The following FTO variants were observed in gnomAD, a reference collection of about 807,000 sequenced individuals.
The protein encoded by FTO is FTO alpha-ketoglutarate dependent dioxygenase.
Under a neutral mutation model 63.9 loss-of-function variants are expected in FTO, and 47 were observed. The observed-to-expected ratio is 0.74, with a 90% confidence interval of 0.58 to 0.94. The LOEUF (loss-of-function observed/expected upper bound fraction) is 0.94, where lower values mean the gene tolerates loss of function less well. Ranked by LOEUF, FTO falls within the 40% of genes least tolerant of loss-of-function variation. The probability of loss-of-function intolerance (pLI) is 0.00; values close to 1 mark genes in which losing one functional copy is unlikely to be tolerated. For synonymous variants in FTO, 207 were observed against 224.4 expected (o/e 0.92, Z 0.69); for missense variants, 562 against 618.1 (o/e 0.91, Z 0.96).
At chr16:54,058,593 A>G (rs2144372009) in intron 8 of FTO, among the ~76,000 whole-genome samples, 1 of 152,146 alleles carries the variant, frequency 6.6e-6, no homozygotes, top group East Asian at 1.9e-4. Context: ...AAGCCTACAC[A>G]CTCTTTTTCC....
At chr16:53,908,248 G>A (rs1456127069) in intron 7 of FTO, among the ~76,000 whole-genome samples, 1 of 152,082 alleles carries the variant, frequency 6.6e-6, no homozygotes, top group African/African-American at 2.4e-5. Context: ...TCGTTGTCAG[G>A]GGCAAGTCTA....
At chr16:53,955,549 G>A (rs2082909676) in intron 8 of FTO, among the ~76,000 whole-genome samples, 1 of 152,132 alleles carries the variant, frequency 6.6e-6, no homozygotes, top group Non-Finnish European at 1.5e-5. Flanking sequence ...ACATTTTAGG[G>A]TTGGAGTAAA....
At chr16:54,004,232 A>G (rs1435305953) in intron 8 of FTO, among the ~76,000 whole-genome samples, 1 of 152,138 alleles carries the variant, frequency 6.6e-6, no homozygotes, top group Non-Finnish European at 1.5e-5. Flanking sequence ...CCGTATTATG[A>G]ATTTAGCAAG....
At chr16:53,926,325 T>C (rs927991726) in intron 7 of FTO, among the ~76,000 whole-genome samples, 4 of 152,222 alleles carry the variant, frequency 2.6e-5, no homozygotes, top group African/African-American at 7.2e-5. Context: ...ACATACTGTT[T>C]TTGACCTTGA....
intron 1 of FTO, among the ~76,000 whole-genome samples, chr16:53,754,893 C>T (rs998041495): frequency 3.9e-5 from 6 of 152,144 alleles, no homozygotes; most frequent in Admixed American, 6.5e-5. Context: ...CTTAACAGAT[C>T]GTATGACAAT....
At chr16:53,783,951 A>G (rs2077663040) in intron 1 of FTO, among the ~76,000 whole-genome samples, 1 of 152,128 alleles carries the variant, frequency 6.6e-6, no homozygotes, top group African/African-American at 2.4e-5. Flanking sequence ...ACCTCACCTC[A>G]CTGGCCTTAG....
chr16:53,757,288 G>A (rs571164827), intron 1 of FTO, among the ~76,000 whole-genome samples: 1 of 151,994 alleles, frequency 6.6e-6, no homozygotes, highest in African/African-American at 2.4e-5. Flanking sequence ...GTTATTAACT[G>A]TAGTCACCAT....
chr16:53,851,786 C>T (rs937696901), intron 4 of FTO, among the ~76,000 whole-genome samples: 17 of 151,828 alleles, frequency 1.1e-4, no homozygotes, highest in Non-Finnish European at 1.5e-5. Context: ...AAAAATACTA[C>T]ATGCACAAGG....
chr16:53,915,580 A>T (rs1262346078), intron 7 of FTO, among the ~76,000 whole-genome samples: 2 of 152,196 alleles, frequency 1.3e-5, no homozygotes, highest in Non-Finnish European at 2.9e-5. Context: ...GCAAACACTA[A>T]ATGTGAGCCT....
At chr16:54,017,153 T>C (rs752664132) in intron 8 of FTO, among the ~76,000 whole-genome samples, 1 of 152,242 alleles carries the variant, frequency 6.6e-6, no homozygotes. Flanking sequence ...TGTTTTGTCA[T>C]TTATGATAAT....
intron 8 of FTO, among the ~76,000 whole-genome samples, chr16:53,952,722 G>C (rs1308502451): frequency 6.6e-6 from 1 of 152,190 alleles, no homozygotes; most frequent in Non-Finnish European, 1.5e-5. Flanking sequence ...ATGGGTGGAA[G>C]AATACAGCCC....
rs188883366 is a variant in FTO, at chr16:53,852,232, C to T, written c.895+7934C>T. Among the ~76,000 whole-genome samples, 20 of 151,422 alleles carry T rather than the reference C, an allele frequency of 1.3e-4. No homozygotes were observed. The East Asian group carries it at 1.4e-3, about 10-fold the overall frequency. On this transcript the variant is annotated intron_variant, in intron 4 of 8. Coordinates refer to ENST00000471389, the MANE Select transcript of FTO (RefSeq NM_001080432.3). Reference sequence around the variant, plus strand: ...TTGAGCCTAAAGGGAACTGTGATCGCGCCACTGCACTCCAGGCTGGGTGAC... The same window carrying T: ...TTGAGCCTAAAGGGAACTGTGATCGTGCCACTGCACTCCAGGCTGGGTGAC...
intron 7 of FTO, among the ~76,000 whole-genome samples, chr16:53,909,926 A>G (rs567284712): frequency 6.6e-6 from 1 of 152,074 alleles, no homozygotes; most frequent in East Asian, 1.9e-4. Flanking sequence ...CATTTAGACT[A>G]GAGTACAGTG....
intron 8 of FTO, among the ~76,000 whole-genome samples, chr16:53,976,050 A>G (rs1267405305): frequency 6.6e-6 from 1 of 152,084 alleles, no homozygotes; most frequent in African/African-American, 2.4e-5. Context: ...CTCCCACCCC[A>G]GTGTAGTGCT....
At chr16:53,775,083 T>C (rs2077430961) in intron 1 of FTO, among the ~76,000 whole-genome samples, 1 of 151,832 alleles carries the variant, frequency 6.6e-6, no homozygotes, top group South Asian at 2.1e-4. Context: ...TGAGAAATAA[T>C]AGTGTTTACC....
At chr16:53,937,213 A>G (rs760222123) in intron 8 of FTO, 8 of 398,414 alleles carry the variant, frequency 2.0e-5, no homozygotes, top group Non-Finnish European at 3.1e-5. Flanking sequence ...ACCCTCTCCA[A>G]ATAGGCTTAT....
intron 7 of FTO, among the ~76,000 whole-genome samples, chr16:53,890,305 G>T (rs2081113333): frequency 6.6e-6 from 1 of 152,134 alleles, no homozygotes; most frequent in Non-Finnish European, 1.5e-5. Context: ...CGTATTTAAT[G>T]TGTACAACCT....
intron 8 of FTO, among the ~76,000 whole-genome samples, chr16:53,970,234 C>T (rs545969476): frequency 6.6e-6 from 1 of 152,224 alleles, no homozygotes; most frequent in South Asian, 2.1e-4. Context: ...TCATTTGCCT[C>T]CCTTAATCAT....
chr16:53,955,941 C>A (rs1166330204), intron 8 of FTO, among the ~76,000 whole-genome samples: 1 of 151,850 alleles, frequency 6.6e-6, no homozygotes, highest in East Asian at 1.9e-4. Context: ...GCCAGGAGTT[C>A]AAGACCGGTC....
Sources: allele counts gnomAD v4.1 joint callset (sites outside exome capture counted in the v4.1 genomes callset), GRCh38; gene constraint gnomAD v4.1.1; transcripts MANE v1.5; gene names NCBI Gene and HGNC (gene_info 2026-07-23, HGNC 2026-07-21).